LYST: variants seen among roughly 807,000 people sequenced by gnomAD.
LYST encodes lysosomal trafficking regulator.
Under a neutral mutation model 413.6 loss-of-function variants are expected in LYST, and 192 were observed. The observed-to-expected ratio is 0.46, with a 90% CI of 0.41 to 0.52. The LOEUF is 0.52. Among genes scored for constraint, LYST ranks in the 20% least tolerant of loss-of-function variants. LYST has a pLI of 0.00. For synonymous variants in LYST, 1,525 were observed against 1,567.3 expected, an observed-to-expected ratio of 0.97 and a Z score of 0.64; for missense variants, 3,815 against 4,499.9, an observed-to-expected ratio of 0.85 and a Z score of 4.35.
intron 8 of LYST, among the ~76,000 whole-genome samples, chr1:235,802,368 C>T (rs2102835670): frequency 6.6e-6 from 1 of 152,128 alleles, no homozygotes; most frequent in Middle Eastern, 3.4e-3. Context: ...AATATAGTTC[C>T]ATCCTAAAGA....
chr1:235,713,230 G>A, intron 42 of LYST: 1 of 980,720 alleles, frequency 1.0e-6, no homozygotes, highest in African/African-American at 1.7e-5. Context: ...AGTAAGGAGG[G>A]CCACTTAAAG....
At chr1:235,749,807 C>T (rs939672021) in intron 28 of LYST, among the ~76,000 whole-genome samples, 23 of 152,122 alleles carry the variant, frequency 1.5e-4, no homozygotes, top group Non-Finnish European at 1.6e-4. Context: ...CTTGAAGTTA[C>T]GTAGGGCTCT....
intron 1 of LYST, among the ~76,000 whole-genome samples, chr1:235,866,303 A>G (rs1680502011): frequency 6.6e-6 from 1 of 152,120 alleles, no homozygotes; most frequent in Non-Finnish European, 1.5e-5. Flanking sequence ...AGGAGGAAAG[A>G]GCGGACCGAG....
intron 28 of LYST, among the ~76,000 whole-genome samples, chr1:235,750,347 T>C (rs1666366250): frequency 1.3e-5 from 2 of 152,212 alleles, no homozygotes; most frequent in Non-Finnish European, 2.9e-5. Context: ...AACATACTAC[T>C]GCAAAACAAT....
chr1:235,716,908 A>G (rs770253107), intron 40 of LYST, 130 bp from the exon 41 acceptor site: 66 of 608,086 alleles, frequency 1.1e-4, no homozygotes, highest in Middle Eastern at 2.7e-4. Flanking sequence ...CTGCTTAAAC[A>G]TATTGTTTTG....
intron 17 of LYST, among the ~76,000 whole-genome samples, chr1:235,776,237 A>G (rs933663703): frequency 6.6e-6 from 1 of 152,208 alleles, no homozygotes; most frequent in African/African-American, 2.4e-5. Flanking sequence ...AAGAAAAGAC[A>G]GATTACAGAG....
At chr1:235,807,609 C>T (rs935976472) in intron 5 of LYST, among the ~76,000 whole-genome samples, 5 of 152,158 alleles carry the variant, frequency 3.3e-5, no homozygotes, top group African/African-American at 1.2e-4. Flanking sequence ...AAATGCCACA[C>T]ACGAAGATAT....
chr1:235,733,675 C>T lies in LYST; in HGVS notation c.8629G>A (p.Asp2877Asn), dbSNP rs777657023. 7 of 1,613,102 alleles carry T rather than the reference C, an allele frequency of 4.3e-6. No homozygotes were observed. Among genetic ancestry groups the T allele is most frequent in the Admixed American group, 1.7e-5 (1 of 59,958 alleles). ...NNQQSLFQRLDSKSKDISKIA... is the reference protein window; with the variant it reads ...NNQQSLFQRLNSKSKDISKIA... ...TTAGATATATCCTTTGATTTTGAAT[C>T]CAGACGCTGAAAGAGACTAAACAAA... Residue 2877 changes from aspartate to asparagine, a missense_variant, in exon 34 of 53, where the codon GAT (aspartate) becomes AAT (asparagine). Around this residue, in one of 4 missense-constraint regions of LYST, gnomAD observed 866 missense variants for 1,156.0 expected, o/e 0.75. Coordinates refer to ENST00000389793, the MANE Select transcript of LYST (RefSeq NM_000081.4).
intron 45 of LYST, among the ~76,000 whole-genome samples, chr1:235,702,053 AACG>A (rs1661593004): frequency 1.3e-5 from 2 of 152,186 alleles, no homozygotes; most frequent in African/African-American, 4.8e-5. Flanking sequence ...GGTCCTTTAC[AACG>A]TCTTTCCCTT....
intron 10 of LYST, 82 bp from the exon 11 acceptor site, chr1:235,793,694 A>G (rs1223915017): frequency 2.7e-6 from 2 of 751,712 alleles, no homozygotes; most frequent in African/African-American, 3.5e-5. Flanking sequence ...AAGAGGTAAA[A>G]TACTATTGTC....
rs542793553 is a variant in LYST, at chr1:235,845,015, C to T, written c.-97-11348G>A. Among the ~76,000 whole-genome samples the T allele has an allele frequency of 8.9e-4, 135 of 152,202 alleles. 1 individual carries two copies. The highest frequency in any genetic ancestry group is 3.2e-3 in the African/African-American group (131 of 41,524). On this transcript the variant is annotated intron_variant, in intron 1 of 52. Transcript: ENST00000389793. The stretch of plus-strand genomic sequence containing the variant: ...GGCAGGACTAGATTGCAGCTCTGGA[C>T]AGAGCAGCATGTGGTGGCTTGCATT...
In LYST at chr1:235,788,825, C is replaced by T. The variant is rs1277268324; in HGVS notation, c.4564G>A (p.Ala1522Thr). The T allele has an allele frequency of 2.5e-6, 4 of 1,613,746 alleles. No homozygotes were observed. Among genetic ancestry groups the T allele is most frequent in the Non-Finnish European group, 3.4e-6 (4 of 1,179,732 alleles). Reference sequence around the variant, plus strand: ...CTTTCACCAGGATTTATGTACTCTGCACCTTCTGGTCTGTCGCTCTCTATA... The same window carrying T: ...CTTTCACCAGGATTTATGTACTCTGTACCTTCTGGTCTGTCGCTCTCTATA... ...DGTESDRPEGAEYINPGERLI... is the reference protein window; with the variant it reads ...DGTESDRPEGTEYINPGERLI... The change falls in exon 13 of 53, where the codon GCA (alanine) becomes ACA (threonine). Residue 1522 changes from alanine (A) to threonine (T), a missense_variant. Ala to Thr is a moderately conservative substitution (Grantham distance 58, BLOSUM62 0). Coordinates refer to ENST00000389793, the MANE Select transcript of LYST (RefSeq NM_000081.4).
chr1:235,703,559 A>C (rs1464173393), intron 44 of LYST, among the ~76,000 whole-genome samples: 1 of 152,222 alleles, frequency 6.6e-6, no homozygotes, highest in African/African-American at 2.4e-5. Context: ...AATTGAGTAC[A>C]GATCAGCCAT....
At chr1:235,768,012 G>T (rs12073380) in intron 20 of LYST, among the ~76,000 whole-genome samples, 5,617 of 151,822 alleles carry the variant, frequency 0.037, 344 homozygotes, top group African/African-American at 0.13. Flanking sequence ...CCCTTTTTCT[G>T]GTTTCACATC....
At chr1:235,728,323 C>G (rs527788011) in intron 37 of LYST, among the ~76,000 whole-genome samples, 192 bp from the exon 38 acceptor site, 1 of 151,812 alleles carries the variant, frequency 6.6e-6, no homozygotes, top group East Asian at 1.9e-4. Flanking sequence ...CTCTTTGTGT[C>G]TTAATTTCTT....
In LYST at chr1:235,664,335, C is replaced by A. The variant is rs928080457; in HGVS notation, c.11195+130G>T. 35 of 844,532 alleles carry A rather than the reference C, an allele frequency of 4.1e-5. No individual in the cohort carries two copies. The highest frequency in any genetic ancestry group is 6.9e-5 in the African/African-American group (4 of 58,110). 52.3% of individuals were successfully genotyped at this position (844,532 alleles called of 1,614,324 possible). On this transcript the variant is annotated intron_variant, in intron 51 of 52. Transcript: ENST00000389793. This position sits in a 1 kb window ranked among gnomAD's most constrained non-coding sequence, Gnocchi z 4.5. ...AAATAAAACAGGAATAACTAAAGAA[C>A]CTACACCCCAAGGTGAGTTTAAATC...
At chr1:235,685,945 T>C (rs1391462323) in intron 48 of LYST, among the ~76,000 whole-genome samples, 1 of 151,990 alleles carries the variant, frequency 6.6e-6, no homozygotes, top group Non-Finnish European at 1.5e-5. Context: ...AAAACAGATT[T>C]AATACTATAA....
rs1410431082 is a variant in LYST at position 235,793,491 on chromosome 1, T to C, written c.4116+12A>G. The C allele has an allele frequency of 8.4e-6, 10 of 1,189,736 alleles. No individual in the cohort carries two copies. Among genetic ancestry groups the C allele is most frequent in the East Asian group, 2.4e-5 (1 of 42,452 alleles). 73.7% of individuals were successfully genotyped at this position (1,189,736 alleles called of 1,614,324 possible). A position where few individuals can be genotyped will look rare whatever the true frequency, so the allele number is the denominator to read the frequency against. On this transcript the variant is annotated intron_variant, in intron 11 of 52. Transcript: ENST00000389793. Reference sequence around the variant, plus strand: ...TTATCAGTGAAAAATGTAAAAATTATAGCATATTTACTGTACAAGGAGATT... The same window carrying C: ...TTATCAGTGAAAAATGTAAAAATTACAGCATATTTACTGTACAAGGAGATT...
intron 3 of LYST, among the ~76,000 whole-genome samples, chr1:235,828,432 T>C (rs58063281): frequency 0.061 from 9,314 of 152,284 alleles, 970 homozygotes; most frequent in African/African-American, 0.21. Context: ...ATATGTGAAT[T>C]ATATCTCAAT....
Sources: allele counts gnomAD v4.1 joint callset (sites outside exome capture counted in the v4.1 genomes callset), GRCh38; gene constraint gnomAD v4.1.1; regional missense constraint gnomAD v4.1.1; non-coding constraint Gnocchi (gnomAD v3.1); transcripts MANE v1.5; gene names NCBI Gene and HGNC (gene_info 2026-07-23, HGNC 2026-07-21).